ZNF180: variants seen among roughly 807,000 people sequenced by gnomAD.
The protein encoded by ZNF180 is zinc finger protein 180 (HHZ168).
In ZNF180, 11 loss-of-function variants were observed where a neutral mutation model predicts 11.8. The observed-to-expected ratio is 0.93, with a 90% CI of 0.59 to 1.55. ZNF180 has a LOEUF of 1.55. Among genes scored for constraint, ZNF180 ranks in the 40% most tolerant of loss-of-function variants. The probability of loss-of-function intolerance (pLI) is 0.00; values close to 1 mark genes in which losing one functional copy is unlikely to be tolerated. For missense variants in ZNF180, 773 were observed against 781.7 expected, an observed-to-expected ratio of 0.99 and a Z score of 0.13; for synonymous variants, 287 against 257.7, an observed-to-expected ratio of 1.11 and a Z score of -1.09.
intron 1 of ZNF180, among the ~76,000 whole-genome samples, chr19:44,497,605 T>C (rs1417317458): frequency 6.6e-6 from 1 of 152,130 alleles, no homozygotes; most frequent in Non-Finnish European, 1.5e-5. Context: ...CTCCACCATC[T>C]TGGGCCCCTG....
chr19:44,476,222 G>A lies in ZNF180; in HGVS notation c.*180C>T, dbSNP rs11551120. On this transcript the variant is annotated 3_prime_UTR_variant, in exon 5 of 5. Coordinates refer to ENST00000592529, the MANE Select transcript of ZNF180 (RefSeq NM_001278509.3). ...TATGGAATTGCCAGGTTGAAAAGTC[G>A]TTCATAGACTTTCCCCCTTTCTTTT... The A allele has an allele frequency of 5.2e-3, 2,867 of 555,374 alleles. 35 individuals carry two copies. Among genetic ancestry groups the A allele is most frequent in the African/African-American group, 0.032 (1,670 of 52,142 alleles). The allele number at this position is 555,374 out of a possible 1,614,324, so 34.4% of individuals were successfully genotyped here. A position where few individuals can be genotyped will look rare whatever the true frequency, so the allele number is the denominator to read the frequency against.
In ZNF180 at chr19:44,476,537, A is replaced by G; in HGVS notation, c.1863T>C (p.Leu621=). 1 of 1,614,142 alleles carries G rather than the reference A, an allele frequency of 6.2e-7. No individual in the cohort carries two copies. Residue 621 remains leucine (L), a synonymous_variant, in exon 5 of 5, where the codon CTT becomes CTC. Transcript: ENST00000592529. ...CAGTATGAGTTCTTTGATGCACAAT[A>G]AGTCGAGCACTCAAGCTAAATGTTT... ...CGKTFSLSAR[L]IVHQRTHTGE... is the part of the protein sequence containing the mutation.
In ZNF180 at chr19:44,476,897, T is replaced by C. The variant is rs749836636; in HGVS notation, c.1503A>G (p.Lys501=). The change falls in exon 5 of 5, where the codon AAA becomes AAG. Residue 501 remains lysine (K), a synonymous_variant. Coordinates refer to ENST00000592529, the MANE Select transcript of ZNF180 (RefSeq NM_001278509.3). ...CAAGCTGAGAGCTCCAGCTGAAGGA[T>C]TTCCCACACTGATTACATTCAAAGG... The part of the protein sequence containing the change: ...EKPFECNQCG[K]SFSWSSQLVA... The C allele has an allele frequency of 1.2e-6, 2 of 1,614,112 alleles. No individual in the cohort carries two copies. The highest frequency in any genetic ancestry group is 3.3e-4 in the Middle Eastern group (2 of 6,062).
At chr19:44,479,620 C>T (rs1454657693) in intron 3 of ZNF180, 4 of 574,650 alleles carry the variant, frequency 7.0e-6, no homozygotes, top group Admixed American at 3.3e-5. Context: ...TTTACAACTC[C>T]AAAGAGGAAT....
At position 44,484,392 on chromosome 19, in the gene ZNF180, T is replaced by C. The variant is rs573184540; in HGVS notation, c.95A>G (p.Glu32Gly). The stretch of plus-strand genomic sequence containing the variant: ...TGGGATGGTCAGAGACCCAGTGTCT[T>C]CTCCCTCGACTTTGATGATAATCTC... Reference protein sequence around the residue: ...PQEIIIKVEGEDTGSLTIPSQ... With the variant: ...PQEIIIKVEGGDTGSLTIPSQ... The change falls in exon 3 of 5, where the codon GAA (glutamate) becomes GGA (glycine). Residue 32 changes from glutamate (E) to glycine (G), a missense_variant. Physicochemically the swap from Glu to Gly is moderately conservative, Grantham distance 98 (BLOSUM62 -2). Coordinates refer to ENST00000592529, the MANE Select transcript of ZNF180 (RefSeq NM_001278509.3). 11 of 1,614,010 alleles carry C rather than the reference T, an allele frequency of 6.8e-6. No individual in the cohort carries two copies. The East Asian group carries it at 2.2e-4, about 33-fold the overall frequency.
In ZNF180 at chr19:44,477,591, C is replaced by A; in HGVS notation, c.809G>T (p.Gly270Val). Residue 270 changes from glycine (G) to valine (V), a missense_variant, in exon 5 of 5, where the codon GGA becomes GTA. Physicochemically the swap from Gly to Val is moderately radical, Grantham distance 109 (BLOSUM62 -3). Transcript: ENST00000592529. ...TTCTTTAAAATCAAAGGTTTTTCCT[C>A]CTCCATGAATTTTTTCATGTATATG... Reference protein sequence around the residue: ...PLHIHEKIHGGGKTFDFKECG... With the variant: ...PLHIHEKIHGVGKTFDFKECG... 1.2e-6 allele frequency: 2 copies of A among 1,614,058 alleles called. No individual in the cohort carries two copies. The highest frequency in any genetic ancestry group is 1.7e-6 in the Non-Finnish European group (2 of 1,180,000).
At chr19:44,488,065 G>T (rs8104032) in intron 2 of ZNF180, among the ~76,000 whole-genome samples, 2 of 107,146 alleles carry the variant, frequency 1.9e-5, no homozygotes, top group African/African-American at 6.5e-5. Context: ...CCTCGCCCTT[G>T]CCCTCTCCCT....
Position 44,479,427 on chromosome 19 carries a change from T to C in ZNF180, c.127-18A>G, listed in dbSNP as rs1970021283. The C allele has an allele frequency of 6.2e-7, 1 of 1,613,080 alleles. No homozygotes were observed. The highest frequency in any genetic ancestry group is 8.5e-7 in the Non-Finnish European group (1 of 1,179,472). ...ACTCCTTCCTAAAAAAGGACACACA[T>C]TCCTGCTCAGCTGGGCATCATTTCC... On this transcript the variant is annotated intron_variant, in intron 3 of 4. Coordinates refer to ENST00000592529, the MANE Select transcript of ZNF180 (RefSeq NM_001278509.3).
In ZNF180 at chr19:44,484,564, C is replaced by G. The variant is rs897970270; in HGVS notation, c.52-129G>C. 4.4e-6 allele frequency: 3 copies of G among 677,310 alleles called. No individual in the cohort carries two copies. In the African/African-American group the frequency reaches 5.3e-5, roughly 12 times the overall value. The allele number at this position is 677,310 out of a possible 1,614,324, so 42.0% of individuals were successfully genotyped here. Reference sequence around the variant, plus strand: ...TTAACGCATCCCTCCCACCATATTTCTCCTCCCTCCTCCTAGTGGTAAGCT... The same window carrying G: ...TTAACGCATCCCTCCCACCATATTTGTCCTCCCTCCTCCTAGTGGTAAGCT... On this transcript the variant is annotated intron_variant, in intron 2 of 4. Transcript: ENST00000592529.
At chr19:44,484,013 G>A (rs993981523) in intron 3 of ZNF180, among the ~76,000 whole-genome samples, 10 of 94,878 alleles carry the variant, frequency 1.1e-4, no homozygotes, top group Non-Finnish European at 2.2e-4. Context: ...TTTTTTTTTT[G>A]AGATGGAGTC....
At chr19:44,497,641 GTGCCCAACA>G (rs1970626175) in intron 1 of ZNF180, among the ~76,000 whole-genome samples, 1 of 152,040 alleles carries the variant, frequency 6.6e-6, no homozygotes, top group African/African-American at 2.4e-5. Context: ...AGCCCAGCTT[GTGCCCAACA>G]TGGCCTTCTG....
rs1232329351 is a variant in ZNF180 at position 44,477,770 on chromosome 19, C to T, written c.630G>A (p.Gln210=). Residue 210 remains glutamine (Q), a synonymous_variant, in exon 5 of 5, where the codon CAG becomes CAA. Coordinates refer to ENST00000592529, the MANE Select transcript of ZNF180 (RefSeq NM_001278509.3). ...ATAGTGTCTCATTCTCATTAATCTT[C>T]TGATGACTGTTTACAGCAGCATTAA... is the stretch of plus-strand genomic sequence containing the variant. ...WHLNAAVNSH[Q]KINENETLYE... 3 of 1,613,836 alleles carry T rather than the reference C, an allele frequency of 1.9e-6. No individual in the cohort carries two copies. The African/African-American group carries it at 4.0e-5, about 22-fold the overall frequency.
rs138948923 is a variant in ZNF180, at chr19:44,477,353, T to C, written c.1047A>G (p.Thr349=). 6 of 1,611,680 alleles carry C rather than the reference T, an allele frequency of 3.7e-6. No homozygotes were observed. Among genetic ancestry groups the C allele is most frequent in the Non-Finnish European group, 5.1e-6 (6 of 1,179,104 alleles). The change falls in exon 5 of 5, where the codon ACA becomes ACG. Residue 349 remains threonine (T), a synonymous_variant. Transcript: ENST00000592529. ...CACTACATTCATAAGGTTTCTCCCC[T>C]GTGTGAGTTCTCTGATGTGCAACAA... ...SHLVAHQRTH[T]GEKPYECSEC...
chr19:44,489,887 G>A (rs2123482695), intron 2 of ZNF180, among the ~76,000 whole-genome samples: 1 of 137,346 alleles, frequency 7.3e-6, no homozygotes, highest in East Asian at 2.1e-4. Flanking sequence ...GAAAGAGAGA[G>A]AGAGAGAAAG....
Position 44,477,064 on chromosome 19 carries a change from A to G in ZNF180, c.1336T>C (p.Ser446Pro). Residue 446 changes from serine to proline, a missense_variant, in exon 5 of 5, where the codon TCA becomes CCA. Coordinates refer to ENST00000592529, the MANE Select transcript of ZNF180 (RefSeq NM_001278509.3). ...ATAAGTTTATAGCTCTGGATAAATG[A>G]TTTCCCACATTGATTACATTCATAG... ...KPYECNQCGK[S>P]FIQSYKLIAH... The G allele has an allele frequency of 6.2e-7, 1 of 1,613,880 alleles. No individual in the cohort carries two copies. Among genetic ancestry groups the G allele is most frequent in the Non-Finnish European group, 8.5e-7 (1 of 1,179,872 alleles).
rs781643414 is a variant in ZNF180 at position 44,476,837 on chromosome 19, C to A, written c.1563G>T (p.Pro521=). 6.2e-7 allele frequency: 1 copy of A among 1,613,228 alleles called. No homozygotes were observed. The highest frequency in any genetic ancestry group is 1.1e-5 in the South Asian group (1 of 91,026). ...AHQRTHTGEK[P]YECSECGKSF... is the part of the protein sequence containing the mutation. Reference sequence around the variant, plus strand: ...ATTTTCCACATTCACTACATTCATACGGTTTCTCTCCAGTGTGAGTTCTTT... The same window carrying A: ...ATTTTCCACATTCACTACATTCATAAGGTTTCTCTCCAGTGTGAGTTCTTT... Residue 521 remains proline, a synonymous_variant, in exon 5 of 5, where the codon CCG becomes CCT. Coordinates refer to ENST00000592529, the MANE Select transcript of ZNF180 (RefSeq NM_001278509.3).
In ZNF180 at chr19:44,500,421, C is replaced by T; in HGVS notation, c.-190G>A. The T allele has an allele frequency of 1.5e-6, 1 of 676,432 alleles. No individual in the cohort carries two copies. Among genetic ancestry groups the T allele is most frequent in the Non-Finnish European group, 2.5e-6 (1 of 397,856 alleles). 41.9% of individuals were successfully genotyped at this position (676,432 alleles called of 1,614,324 possible). On this transcript the variant is annotated 5_prime_UTR_variant, in exon 1 of 5. Coordinates refer to ENST00000592529, the MANE Select transcript of ZNF180 (RefSeq NM_001278509.3). ...ACTCGGGTTAAGCTAGTTCGGTCCC[C>T]TCTCCTAGTCAGCATCCGCAAGGCC...
chr19:44,479,267 A>G lies in ZNF180; in HGVS notation c.253+16T>C. The G allele has an allele frequency of 1.2e-6, 2 of 1,606,286 alleles. No homozygotes were observed. Among genetic ancestry groups the G allele is most frequent in the Non-Finnish European group, 1.7e-6 (2 of 1,177,674 alleles). ...TTCAGTAGATGGATCTTCATTAAAG[A>G]GGAGTGTATTCTTACCCCAAGAGAC... On this transcript the variant is annotated intron_variant, in intron 4 of 4. Transcript: ENST00000592529.
chr19:44,500,205 T>C, intron 1 of ZNF180, 70 bp downstream of exon 1: 1 of 1,614,118 alleles, frequency 6.2e-7, no homozygotes, highest in Non-Finnish European at 8.5e-7. Context: ...CACCACCGCT[T>C]CCAGCTTCCC....
Sources: allele counts gnomAD v4.1 joint callset (sites outside exome capture counted in the v4.1 genomes callset), GRCh38; gene constraint gnomAD v4.1.1; transcripts MANE v1.5; gene names NCBI Gene and HGNC (gene_info 2026-07-23, HGNC 2026-07-21).